MREG: variants seen among roughly 807,000 people sequenced by gnomAD.
The protein encoded by MREG is dilute suppressor protein homolog.
Under a neutral mutation model 28.5 loss-of-function variants are expected in MREG, and 31 were observed. That is an observed-to-expected ratio of 1.09 (90% CI 0.82 to 1.47). The LOEUF is 1.47. Ranked by LOEUF, MREG falls within the 40% of genes most tolerant of loss-of-function variation. The probability of loss-of-function intolerance (pLI) is 0.00; values close to 1 mark genes in which losing one functional copy is unlikely to be tolerated. For synonymous variants in MREG, 106 were observed against 95.2 expected, an observed-to-expected ratio of 1.11 and a Z score of -0.66; for missense variants, 256 against 257.4, an observed-to-expected ratio of 0.99 and a Z score of 0.04.
intron 2 of MREG, among the ~76,000 whole-genome samples, chr2:215,976,002 C>T (rs1693247174): frequency 6.6e-6 from 1 of 151,872 alleles, no homozygotes; most frequent in African/African-American, 2.4e-5. Context: ...TATGGGGGAG[C>T]TGGGCTGAGG....
chr2:215,961,910 C>T (rs1307689719), intron 2 of MREG, among the ~76,000 whole-genome samples: 2 of 152,104 alleles, frequency 1.3e-5, no homozygotes, highest in East Asian at 3.9e-4. Flanking sequence ...AATTTGGGGT[C>T]AGTTCATCTC....
intron 1 of MREG, among the ~76,000 whole-genome samples, chr2:216,012,726 C>G (rs1694345253): frequency 6.6e-6 from 1 of 152,172 alleles, no homozygotes; most frequent in South Asian, 2.1e-4. Context: ...AATAGGCTGC[C>G]CCTTGATGAA....
intron 2 of MREG, among the ~76,000 whole-genome samples, chr2:215,990,556 A>C (rs1693695310): frequency 6.6e-6 from 1 of 152,230 alleles, no homozygotes; most frequent in Non-Finnish European, 1.5e-5. Context: ...TATTAACCTT[A>C]AACGTAAATA....
At chr2:216,016,200 A>C (rs552046047), upstream of MREG, among the ~76,000 whole-genome samples, 1 of 152,342 alleles carries the variant, frequency 6.6e-6, no homozygotes, top group African/African-American at 2.4e-5. Flanking sequence ...TGTCATGCCC[A>C]CACCATGTCG....
intron 2 of MREG, among the ~76,000 whole-genome samples, chr2:215,977,326 C>G (rs555199014): frequency 6.6e-6 from 1 of 152,302 alleles, no homozygotes; most frequent in South Asian, 2.1e-4. Context: ...ACAAGAAGAA[C>G]TAACTATCCT....
In MREG at chr2:216,020,720, G is replaced by A. The variant is rs540115099; in HGVS notation, c.-68+12069C>T. On this transcript the variant is annotated intron_variant, in intron 1 of 3. Coordinates refer to the MREG transcript ENST00000420348. ...ATTGCACTTGGTAATAACAGCTAGC[G>A]ATGCACTGTTTCAAGCATGGTGTGT... Among the ~76,000 whole-genome samples, 39 of 152,298 alleles carry A rather than the reference G, an allele frequency of 2.6e-4. 4 individuals carry two copies. The South Asian group carries it at 7.7e-3, about 30-fold the overall frequency.
At chr2:216,031,417 G>GAAGAAAGA (rs1373147409) in intron 1 of MREG, among the ~76,000 whole-genome samples, 1 of 133,390 alleles carries the variant, frequency 7.5e-6, no homozygotes, top group Non-Finnish European at 1.6e-5. Flanking sequence ...AGGAAGAAAG[G>GAAGAAAGA]AAGAAAGAAA....
intron 2 of MREG, among the ~76,000 whole-genome samples, chr2:215,994,395 C>T (rs1015797246): frequency 2.6e-5 from 4 of 151,484 alleles, no homozygotes; most frequent in Admixed American, 6.6e-5. Flanking sequence ...GGGAACGTCA[C>T]ACACTTGGGC....
At chr2:216,015,937 A>T (rs1281541715), upstream of MREG, among the ~76,000 whole-genome samples, 2 of 152,222 alleles carry the variant, frequency 1.3e-5, no homozygotes, top group Non-Finnish European at 2.9e-5. Context: ...TGAAAGTGTC[A>T]ATCCTCATGG....
chr2:215,963,008 G>A (rs1369547972), intron 2 of MREG, among the ~76,000 whole-genome samples: 3 of 152,158 alleles, frequency 2.0e-5, no homozygotes, highest in East Asian at 3.9e-4. Context: ...CACACCTGTA[G>A]CCCCAGCTTC....
rs1405673932 is a variant in MREG at position 215,990,650 on chromosome 2, C to A, written c.255+5656G>T. On this transcript the variant is annotated intron_variant, in intron 2 of 4. Transcript: ENST00000263268. ...ATCAGTGTGCTATATTCAAGAGACC[C>A]ATCTTACATGCAAAGACACATATAG... is the stretch of plus-strand genomic sequence containing the variant. Among the ~76,000 whole-genome samples the A allele has an allele frequency of 8.5e-5, 13 of 152,240 alleles. No individual in the cohort carries two copies. In the East Asian group the frequency reaches 9.6e-4, roughly 11 times the overall value.
In MREG at chr2:215,943,378, A is replaced by C; in HGVS notation, c.*1485T>G. On this transcript the variant is annotated 3_prime_UTR_variant, in exon 5 of 5. Transcript: ENST00000263268. The stretch of plus-strand genomic sequence containing the variant: ...TTTTGAAAATTATCTTCTGAAGAGA[A>C]GAAGGTCCAGCAAAGATCTTCAGTG... 1 of 456,694 alleles carries C rather than the reference A, an allele frequency of 2.2e-6. No homozygotes were observed. The highest frequency in any genetic ancestry group is 1.5e-5 in the South Asian group (1 of 64,548). 28.3% of individuals were successfully genotyped at this position (456,694 alleles called of 1,614,324 possible).
chr2:216,017,684 A>G (rs1279628038), upstream of MREG, among the ~76,000 whole-genome samples: 1 of 152,182 alleles, frequency 6.6e-6, no homozygotes, highest in African/African-American at 2.4e-5. Flanking sequence ...CTTGTTTCCA[A>G]GGCAGACCTG....
Position 215,944,988 on chromosome 2 carries a change from T to C in MREG, c.520A>G (p.Ile174Val), listed in dbSNP as rs1486075523. 1 of 1,582,186 alleles carries C rather than the reference T, an allele frequency of 6.3e-7. No individual in the cohort carries two copies. The highest frequency in any genetic ancestry group is 1.3e-5 in the African/African-American group (1 of 74,564). The change falls in exon 5 of 5, where the codon ATT (isoleucine) becomes GTT (valine). Residue 174 changes from isoleucine (I) to valine (V), a missense_variant. Physicochemically the swap from Ile to Val is conservative, Grantham distance 29 (BLOSUM62 3). Transcript: ENST00000263268. ...AACTCTTCTGCAGCATCAAGTGCAATGAGACGGTCCTGCAAAAACAAACAA... is the reference window on the plus strand; with the variant it reads ...AACTCTTCTGCAGCATCAAGTGCAACGAGACGGTCCTGCAAAAACAAACAA... ...ERYLFVVDRL[I>V]ALDAAEEFFK... is the part of the protein sequence containing the mutation.
intron 2 of MREG, among the ~76,000 whole-genome samples, chr2:215,960,082 A>G (rs141954031): frequency 0.016 from 2,401 of 152,018 alleles, 55 homozygotes; most frequent in African/African-American, 0.054. Flanking sequence ...CAGCCTCCCG[A>G]GTAGTTGGGA....
intron 2 of MREG, among the ~76,000 whole-genome samples, chr2:215,987,456 A>G (rs1693602651): frequency 6.6e-6 from 1 of 152,092 alleles, no homozygotes; most frequent in Admixed American, 6.5e-5. Context: ...CATGTTGGTC[A>G]GGCTAGTCTC....
intron 2 of MREG, among the ~76,000 whole-genome samples, chr2:215,957,908 A>G (rs1692669852): frequency 6.6e-6 from 1 of 152,176 alleles, no homozygotes; most frequent in Non-Finnish European, 1.5e-5. Flanking sequence ...TATATACACC[A>G]TGGAATACTA....
intron 1 of MREG, among the ~76,000 whole-genome samples, chr2:216,004,787 T>C (rs546566607): frequency 6.6e-6 from 1 of 152,216 alleles, no homozygotes; most frequent in African/African-American, 2.4e-5. Context: ...TAAGCACATA[T>C]GTTTACGCCA....
chr2:216,007,742 C>CTT (rs35798836), intron 1 of MREG, among the ~76,000 whole-genome samples: 97,775 of 148,528 alleles, frequency 0.66, 32,252 homozygotes, highest in Admixed American at 0.7. Context: ...CACTTAGCGG[C>CTT]TTTTTTTTTG....
Sources: allele counts gnomAD v4.1 joint callset (sites outside exome capture counted in the v4.1 genomes callset), GRCh38; gene constraint gnomAD v4.1.1; transcripts MANE v1.5; gene names NCBI Gene and HGNC (gene_info 2026-07-23, HGNC 2026-07-21).